VWC2: variants seen among roughly 807,000 people sequenced by gnomAD.
VWC2 encodes von Willebrand factor C domain containing 2.
A neutral mutation model predicts 29.8 loss-of-function variants in VWC2; 14 were observed. The observed-to-expected ratio is 0.47, with a 90% CI of 0.31 to 0.74. The LOEUF is 0.74. Among genes scored for constraint, VWC2 ranks in the 30% least tolerant of loss-of-function variants. The pLI is 0.05. For missense variants in VWC2, 457 were observed against 459.8 expected (o/e 0.99, Z 0.05); for synonymous variants, 213 against 199.0 (o/e 1.07, Z -0.59).
chr7:49,832,895 A>C (rs1789569730), intron 3 of VWC2, among the ~76,000 whole-genome samples: 1 of 152,222 alleles, frequency 6.6e-6, no homozygotes, highest in Admixed American at 6.5e-5. Flanking sequence ...TAAGGTTAAA[A>C]GTATGGATCA....
Position 49,855,485 on chromosome 7 carries a change from C to T in VWC2, c.826+52645C>T, listed in dbSNP as rs535881761. 8.0e-4 allele frequency among the ~76,000 whole-genome samples: 121 copies of T among 152,196 alleles called. 2 individuals carry two copies. Among genetic ancestry groups the T allele is most frequent in the Non-Finnish European group, 1.5e-3 (105 of 68,018 alleles). On this transcript the variant is annotated intron_variant, in intron 3 of 3. Coordinates refer to ENST00000340652, the MANE Select transcript of VWC2 (RefSeq NM_198570.5). ...GGAGGAGGAAGGTTTGGGTATTTCC[C>T]AGGTGAAAGAGGACAGATGTTGTGG...
chr7:49,868,365 T>C (rs1791001495), intron 3 of VWC2, among the ~76,000 whole-genome samples: 1 of 152,234 alleles, frequency 6.6e-6, no homozygotes, highest in African/African-American at 2.4e-5. Context: ...TGATGGTTCA[T>C]TTCCTTGATC....
chr7:49,784,545 A>G (rs1021354788), intron 2 of VWC2, among the ~76,000 whole-genome samples: 14 of 152,314 alleles, frequency 9.2e-5, no homozygotes, highest in African/African-American at 3.4e-4. Context: ...AAAGAATCAG[A>G]TCAGGATCTA....
rs534425723 is a variant in VWC2 at position 49,898,040 on chromosome 7, CTGGG to C, written c.827-13991_827-13988del. 6.0e-3 allele frequency among the ~76,000 whole-genome samples: 907 copies of C among 152,276 alleles called. 7 individuals carry two copies. Among genetic ancestry groups the C allele is most frequent in the African/African-American group, 0.02 (851 of 41,558 alleles). ...AGGGTTTTATCAGAGCCTAACTGAT[CTGGG>C]TGAAGAGAAATACTCAACTTTAGCC... On this transcript the variant is annotated intron_variant, in intron 3 of 3. Coordinates refer to ENST00000340652, the MANE Select transcript of VWC2 (RefSeq NM_198570.5).
chr7:49,804,309 A>G (rs781402962), intron 3 of VWC2, among the ~76,000 whole-genome samples: 58 of 152,018 alleles, frequency 3.8e-4, no homozygotes, highest in Non-Finnish European at 7.1e-4. Context: ...GGAGAGGCAG[A>G]TGGAGAATCT....
chr7:49,781,573 G>A (rs1788178070), intron 2 of VWC2, among the ~76,000 whole-genome samples: 1 of 152,206 alleles, frequency 6.6e-6, no homozygotes, highest in South Asian at 2.1e-4. Flanking sequence ...CATAGAGCTA[G>A]TAAATGGTGA....
chr7:49,808,641 A>G (rs997608136), intron 3 of VWC2, among the ~76,000 whole-genome samples: 3 of 152,080 alleles, frequency 2.0e-5, no homozygotes, highest in South Asian at 2.1e-4. Context: ...ACAAGTCTCA[A>G]TAAATTTAAA....
At chr7:49,869,707 C>A (rs1346362958) in intron 3 of VWC2, among the ~76,000 whole-genome samples, 1 of 152,172 alleles carries the variant, frequency 6.6e-6, no homozygotes, top group African/African-American at 2.4e-5. Flanking sequence ...CACTGGACTG[C>A]TTGTAAGTTG....
chr7:49,805,780 T>A (rs950990171), intron 3 of VWC2, among the ~76,000 whole-genome samples: 5 of 152,192 alleles, frequency 3.3e-5, no homozygotes, highest in African/African-American at 9.7e-5. Flanking sequence ...GATAGACTTA[T>A]CTTGGATGAA....
intron 3 of VWC2, among the ~76,000 whole-genome samples, chr7:49,827,871 T>C (rs1351518963): frequency 6.6e-6 from 1 of 152,230 alleles, no homozygotes; most frequent in Non-Finnish European, 1.5e-5. Flanking sequence ...GAATGCATTT[T>C]GCTTTCTTAT....
Position 49,775,947 on chromosome 7 carries a change from C to T in VWC2, c.512C>T (p.Pro171Leu). 6.4e-7 allele frequency: 1 copy of T among 1,552,768 alleles called. No homozygotes were observed. The highest frequency in any genetic ancestry group is 8.7e-7 in the Non-Finnish European group (1 of 1,150,984). Residue 171 changes from proline (P) to leucine (L), a missense_variant, in exon 2 of 4, where the codon CCG becomes CTG. Pro to Leu is a moderately conservative substitution (Grantham distance 98). Around this residue, in one of 2 missense-constraint regions of VWC2, gnomAD observed 185 missense variants for 257.1 expected, o/e 0.72. Coordinates refer to ENST00000340652, the MANE Select transcript of VWC2 (RefSeq NM_198570.5). ...TACGCGATCGGGGAGAAGTTCGCGC[C>T]GGGCCCCTCGGCCTGCCCGTGCCTG... ...FVYAIGEKFA[P>L]GPSACPCLCT...
At chr7:49,880,419 T>G (rs1791612517) in intron 3 of VWC2, among the ~76,000 whole-genome samples, 1 of 151,276 alleles carries the variant, frequency 6.6e-6, no homozygotes, top group Non-Finnish European at 1.5e-5. Context: ...TTGTAGCATT[T>G]TGTTTTCTTT....
intron 3 of VWC2, among the ~76,000 whole-genome samples, chr7:49,834,168 G>T (rs1789602390): frequency 6.6e-6 from 1 of 152,150 alleles, no homozygotes; most frequent in South Asian, 2.1e-4. Context: ...AATACTCTCT[G>T]ATCTGTGCGC....
At chr7:49,847,700 G>A (rs532946446) in intron 3 of VWC2, among the ~76,000 whole-genome samples, 6 of 152,246 alleles carry the variant, frequency 3.9e-5, no homozygotes, top group Admixed American at 2.0e-4. Context: ...TGGCTTCCAC[G>A]GGAAGAAGGG....
intron 3 of VWC2, among the ~76,000 whole-genome samples, chr7:49,839,750 C>T (rs1264920477): frequency 1.3e-5 from 2 of 152,132 alleles, no homozygotes; most frequent in Admixed American, 1.3e-4. Flanking sequence ...GAAAGAGCTG[C>T]GTGCAGAAAT....
At chr7:49,911,503 AT>A (rs1793432962) in intron 3 of VWC2, among the ~76,000 whole-genome samples, 2 of 149,690 alleles carry the variant, frequency 1.3e-5, no homozygotes, top group Admixed American at 1.4e-4. Flanking sequence ...AAAAAAAAAA[AT>A]TAAATGGCAT....
At chr7:49,806,142 A>T (rs1023642172) in intron 3 of VWC2, among the ~76,000 whole-genome samples, 1 of 151,416 alleles carries the variant, frequency 6.6e-6, no homozygotes, top group African/African-American at 2.4e-5. Context: ...TTGACTTTCA[A>T]CTATTCAGCT....
intron 3 of VWC2, among the ~76,000 whole-genome samples, chr7:49,852,269 G>C (rs944359638): frequency 6.6e-6 from 1 of 152,162 alleles, no homozygotes; most frequent in African/African-American, 2.4e-5. Flanking sequence ...GAGCATCAGG[G>C]GGTCATGGTG....
chr7:49,783,564 T>C (rs1225553393), intron 2 of VWC2, among the ~76,000 whole-genome samples: 1 of 152,214 alleles, frequency 6.6e-6, no homozygotes, highest in African/African-American at 2.4e-5. Flanking sequence ...TTCTTACTGC[T>C]TGTCTGTTCC....
Sources: allele counts gnomAD v4.1 joint callset (sites outside exome capture counted in the v4.1 genomes callset), GRCh38; gene constraint gnomAD v4.1.1; regional missense constraint gnomAD v4.1.1; transcripts MANE v1.5; gene names NCBI Gene and HGNC (gene_info 2026-07-23, HGNC 2026-07-21).